The following SH3GLB1 variants were observed in gnomAD, a reference collection of about 807,000 sequenced individuals.
SH3GLB1 encodes SH3 domain containing GRB2 like, endophilin B1.
In SH3GLB1, 17 loss-of-function variants were observed where a neutral mutation model predicts 42.0. That is an observed-to-expected ratio of 0.40 (90% CI 0.28 to 0.61). The LOEUF (loss-of-function observed/expected upper bound fraction) is 0.61. SH3GLB1 is among the 20% of genes least tolerant of loss of function. The pLI is 0.36. For missense variants in SH3GLB1, 355 were observed against 426.3 expected, an observed-to-expected ratio of 0.83 and a Z score of 1.47; for synonymous variants, 132 against 146.6, an observed-to-expected ratio of 0.90 and a Z score of 0.72.
intron 5 of SH3GLB1, among the ~76,000 whole-genome samples, chr1:86,730,730 G>A (rs1264894529): frequency 2.6e-5 from 4 of 152,112 alleles, no homozygotes; most frequent in Non-Finnish European, 5.9e-5. Context: ...TCGAACTCCT[G>A]AACTCAGGTG....
intron 5 of SH3GLB1, chr1:86,728,272 G>A (rs1410681120): frequency 1.1e-5 from 5 of 435,766 alleles, no homozygotes; most frequent in Non-Finnish European, 2.1e-5. Flanking sequence ...ATGTAGTGGG[G>A]GTTTTTTAAT....
intron 1 of SH3GLB1, among the ~76,000 whole-genome samples, chr1:86,713,278 C>T (rs148542910): frequency 9.3e-4 from 141 of 152,070 alleles, no homozygotes; most frequent in African/African-American, 3.2e-3. Flanking sequence ...GACGTGGTTT[C>T]GCCATGTTGC....
intron 1 of SH3GLB1, among the ~76,000 whole-genome samples, chr1:86,713,291 A>C (rs762925727): frequency 1.3e-5 from 2 of 151,986 alleles, no homozygotes; most frequent in East Asian, 3.9e-4. Context: ...CATGTTGCCT[A>C]GGCTGGTCTA....
In SH3GLB1 at chr1:86,746,448, C is replaced by G. The variant is rs1656300579; in HGVS notation, c.*3213C>G. ...TGGAGAGATAGCTTCATAGTTTAGC[C>G]TATAGCCAACTTTGCCTCAAGACCT... On this transcript the variant is annotated 3_prime_UTR_variant, in exon 9 of 9. Transcript: ENST00000370558. The G allele has an allele frequency of 6.6e-6, 1 of 152,218 alleles. No individual in the cohort carries two copies. Among genetic ancestry groups the G allele is most frequent in the Non-Finnish European group, 1.5e-5 (1 of 68,068 alleles). The allele number at this position is 152,218 out of a possible 1,614,324, so 9.4% of individuals were successfully genotyped here. A position where few individuals can be genotyped will look rare whatever the true frequency, so the allele number is the denominator to read the frequency against.
At chr1:86,716,765 G>A (rs12742083) in intron 2 of SH3GLB1, among the ~76,000 whole-genome samples, 7,603 of 152,290 alleles carry the variant, frequency 0.05, 249 homozygotes, top group South Asian at 0.078. Context: ...AATTGGACTA[G>A]AACCGGGTGT....
intron 2 of SH3GLB1, among the ~76,000 whole-genome samples, chr1:86,717,542 G>A (rs1654605595): frequency 6.6e-6 from 1 of 151,788 alleles, no homozygotes; most frequent in African/African-American, 2.4e-5. Context: ...GCCTCTGCCT[G>A]CTGAGAGTAG....
At chr1:86,739,863 G>C (rs1655972476) in intron 7 of SH3GLB1, among the ~76,000 whole-genome samples, 1 of 152,026 alleles carries the variant, frequency 6.6e-6, no homozygotes, top group South Asian at 2.1e-4. Context: ...AGAGTTTCCT[G>C]GCCAGGCGCA....
At chr1:86,742,024 C>G (rs1206254605) in intron 7 of SH3GLB1, among the ~76,000 whole-genome samples, 184 bp from the exon 8 acceptor site, 1 of 152,112 alleles carries the variant, frequency 6.6e-6, no homozygotes, top group Non-Finnish European at 1.5e-5. Flanking sequence ...CCTGAATTGT[C>G]TCTAGTATAA....
rs1342042065 is a variant in SH3GLB1 at position 86,743,421 on chromosome 1, G to A, written c.*186G>A. 1.1e-5 allele frequency: 4 copies of A among 373,002 alleles called. No individual in the cohort carries two copies. The highest frequency in any genetic ancestry group is 1.4e-5 in the Non-Finnish European group (3 of 209,096). 23.1% of individuals were successfully genotyped at this position (373,002 alleles called of 1,614,324 possible). A position where few individuals can be genotyped will look rare whatever the true frequency, so the allele number is the denominator to read the frequency against. On this transcript the variant is annotated 3_prime_UTR_variant, in exon 9 of 9. Transcript: ENST00000370558. The stretch of plus-strand genomic sequence containing the variant: ...ATTTCATTACAGAATTTATGTTAGA[G>A]CTTTCATGCCAAGAATGTTTTCTTA...
rs1282138252 is a variant in SH3GLB1, at chr1:86,726,152, C to G, written c.570+1747C>G. On this transcript the variant is annotated intron_variant, in intron 5 of 8. Transcript: ENST00000370558. ...GATCATTTGGAAATAGATATTTTAA[C>G]TGGGACAGAATGTCTTTATTCAAGA... is the stretch of plus-strand genomic sequence containing the variant. 2.0e-5 allele frequency among the ~76,000 whole-genome samples: 3 copies of G among 152,152 alleles called. No individual in the cohort carries two copies. In the East Asian group the frequency reaches 5.8e-4, roughly 29 times the overall value.
chr1:86,727,170 AC>A (rs1355357005), intron 5 of SH3GLB1, among the ~76,000 whole-genome samples: 5 of 152,124 alleles, frequency 3.3e-5, no homozygotes, highest in Non-Finnish European at 7.4e-5. Context: ...ACAATCTGGT[AC>A]AACAGATCAT....
intron 5 of SH3GLB1, among the ~76,000 whole-genome samples, chr1:86,726,571 C>CAGCTT (rs1655206581): frequency 6.6e-6 from 1 of 151,960 alleles, no homozygotes; most frequent in South Asian, 2.1e-4. Context: ...TATTTATACA[C>CAGCTT]AGCTATTCTA....
rs1380448898 is a variant in SH3GLB1, at chr1:86,724,912, T to TATATATATATATAA, written c.570+508_570+509insTATATATATATAAA. Among the ~76,000 whole-genome samples, 198 of 122,894 alleles carry TATATATATATATAA rather than the reference T, an allele frequency of 1.6e-3. 4 individuals carry two copies. The highest frequency in any genetic ancestry group is 6.7e-3 in the African/African-American group (184 of 27,584). The allele number at this position is 122,894 out of a possible 152,430, so 80.6% of individuals were successfully genotyped here. On this transcript the variant is annotated intron_variant, in intron 5 of 8. Transcript: ENST00000370558. The stretch of plus-strand genomic sequence containing the variant: ...AAAAAAATATATATATATATATATA[T>TATATATATATATAA]AAAATATATAATATATATGTGTGTG...
chr1:86,728,407 TA>T, intron 5 of SH3GLB1: 1 of 1,553,826 alleles, frequency 6.4e-7, no homozygotes, highest in Non-Finnish European at 8.7e-7. Flanking sequence ...CTTAAGCAAC[TA>T]AACTCAGCTC....
rs144437916 is a variant in SH3GLB1, at chr1:86,705,698, T to G, written c.72+727T>G. Among the ~76,000 whole-genome samples, 253 of 152,300 alleles carry G rather than the reference T, an allele frequency of 1.7e-3. 1 individual carries two copies. The highest frequency in any genetic ancestry group is 2.5e-3 in the Admixed American group (38 of 15,302). ...ACTTTAAGGGGAAAAGTTGACTACCTCTCGATATTCTACAATCAAGGAAGT... is the reference window on the plus strand; with the variant it reads ...ACTTTAAGGGGAAAAGTTGACTACCGCTCGATATTCTACAATCAAGGAAGT... On this transcript the variant is annotated intron_variant, in intron 1 of 8. Coordinates refer to ENST00000370558, the MANE Select transcript of SH3GLB1 (RefSeq NM_016009.5).
At chr1:86,741,035 A>G (rs753377176) in intron 7 of SH3GLB1, among the ~76,000 whole-genome samples, 1 of 152,226 alleles carries the variant, frequency 6.6e-6, no homozygotes, top group Non-Finnish European at 1.5e-5. Flanking sequence ...ATGATGTGCT[A>G]TAGTTGAATA....
intron 1 of SH3GLB1, among the ~76,000 whole-genome samples, chr1:86,708,410 TG>T (rs1474644370): frequency 3.3e-5 from 5 of 152,254 alleles, no homozygotes; most frequent in African/African-American, 1.2e-4. Context: ...TGCCATTCTT[TG>T]GTTGGCCAAC....
chr1:86,725,067 T>C lies in SH3GLB1; in HGVS notation c.570+662T>C, dbSNP rs373375647. ...AAACAAAAATTATGGTAGCTCCTAA[T>C]GTGTCATTTTTTTTAAATATCGTCA... On this transcript the variant is annotated intron_variant, in intron 5 of 8. Transcript: ENST00000370558. 1.0e-4 allele frequency among the ~76,000 whole-genome samples: 15 copies of C among 150,354 alleles called. No individual in the cohort carries two copies. In the East Asian group the frequency reaches 2.9e-3, roughly 29 times the overall value.
At chr1:86,709,038 C>G (rs1249915342) in intron 1 of SH3GLB1, among the ~76,000 whole-genome samples, 1 of 152,082 alleles carries the variant, frequency 6.6e-6, no homozygotes, top group Admixed American at 6.5e-5. Context: ...AAAGATATAG[C>G]TTCAAATCCA....
Sources: gnomAD v4.1 joint callset for allele counts (sites outside exome capture counted in the v4.1 genomes callset) on GRCh38, gnomAD v4.1.1 for gene constraint, MANE v1.5 for transcripts, NCBI Gene and HGNC (gene_info 2026-07-23, HGNC 2026-07-21) for gene names.